VPS13D: variants seen among roughly 807,000 people sequenced by gnomAD.
The protein encoded by VPS13D is intermembrane lipid transfer protein VPS13D.
VPS13D carries 187 observed loss-of-function variants against 461.9 expected under a neutral mutation model. The observed-to-expected ratio is 0.40, with a 90% CI of 0.36 to 0.46. VPS13D has a LOEUF of 0.46. Ranked by LOEUF, VPS13D falls within the 20% of genes least tolerant of loss-of-function variation. VPS13D has a pLI of 0.60. For synonymous variants in VPS13D, 1,951 were observed against 1,986.3 expected (o/e 0.98, Z 0.47); for missense variants, 4,711 against 5,364.9 (o/e 0.88, Z 3.81).
chr1:12,247,817 G>T (rs1276865529), intron 5 of VPS13D, among the ~76,000 whole-genome samples: 1 of 150,492 alleles, frequency 6.6e-6, no homozygotes, highest in Non-Finnish European at 1.5e-5. Context: ...GATTCTCCTG[G>T]CTCAGCCTCA....
At chr1:12,425,539 A>G (rs1644913882) in intron 65 of VPS13D, among the ~76,000 whole-genome samples, 1 of 151,782 alleles carries the variant, frequency 6.6e-6, no homozygotes, top group African/African-American at 2.4e-5. Context: ...AGCCTGGGTG[A>G]CAGAACAATG....
At chr1:12,390,093 G>A (rs1644404515) in intron 60 of VPS13D, among the ~76,000 whole-genome samples, 1 of 152,204 alleles carries the variant, frequency 6.6e-6, no homozygotes, top group Admixed American at 6.5e-5. Context: ...CCTGGTGGCA[G>A]TGTTCCTCCC....
At chr1:12,282,089 T>C (rs1344074115) in intron 20 of VPS13D, among the ~76,000 whole-genome samples, 3 of 152,130 alleles carry the variant, frequency 2.0e-5, no homozygotes, top group South Asian at 2.1e-4. Context: ...AGTTTCACCA[T>C]GTAGCCCAAG....
At chr1:12,265,916 C>G (rs530901454) in intron 13 of VPS13D, among the ~76,000 whole-genome samples, 13 of 152,226 alleles carry the variant, frequency 8.5e-5, no homozygotes, top group African/African-American at 2.6e-4. Flanking sequence ...CCCAGCACTT[C>G]GGGAGGCCAA....
intron 48 of VPS13D, 92 bp from the exon 49 acceptor site, chr1:12,356,304 CTT>C (rs1643885340): frequency 4.1e-6 from 6 of 1,475,468 alleles, no homozygotes; most frequent in African/African-American, 1.4e-5. Context: ...AGTTTTCACT[CTT>C]TTCCCGCTTG....
intron 49 of VPS13D, among the ~76,000 whole-genome samples, chr1:12,357,088 CATTA>C (rs1487433266): frequency 6.6e-6 from 1 of 152,210 alleles, no homozygotes; most frequent in Non-Finnish European, 1.5e-5. Context: ...ATGGTAGGAG[CATTA>C]ATTCACTTTT....
At chr1:12,334,489 G>A (rs1203263910) in intron 38 of VPS13D, among the ~76,000 whole-genome samples, 1 of 152,198 alleles carries the variant, frequency 6.6e-6, no homozygotes, top group Non-Finnish European at 1.5e-5. Flanking sequence ...TCTTCTGGCC[G>A]TGCACATTGG....
At chr1:12,249,919 G>A (rs763171168) in intron 6 of VPS13D, among the ~76,000 whole-genome samples, 8 of 152,184 alleles carry the variant, frequency 5.3e-5, no homozygotes, top group Admixed American at 2.6e-4. Context: ...TGCAGACCCC[G>A]CTGGGTAAGG....
intron 2 of VPS13D, among the ~76,000 whole-genome samples, chr1:12,237,317 C>T (rs1334151605): frequency 6.9e-6 from 1 of 143,970 alleles, no homozygotes; most frequent in Non-Finnish European, 1.5e-5. Flanking sequence ...TGGTGAGATC[C>T]CTTTTCTACA....
intron 55 of VPS13D, among the ~76,000 whole-genome samples, chr1:12,374,317 T>C (rs1224822346): frequency 6.6e-6 from 1 of 152,224 alleles, no homozygotes; most frequent in Non-Finnish European, 1.5e-5. Context: ...CATGAAGAAA[T>C]GGACCTCTCC....
chr1:12,381,103 G>A (rs1428597688), intron 57 of VPS13D, among the ~76,000 whole-genome samples: 1 of 152,146 alleles, frequency 6.6e-6, no homozygotes, highest in East Asian at 1.9e-4. Flanking sequence ...GCTTGTTAGT[G>A]ACAGTATAAT....
intron 46 of VPS13D, among the ~76,000 whole-genome samples, chr1:12,351,913 T>C (rs1466430600): frequency 6.6e-6 from 1 of 151,886 alleles, no homozygotes; most frequent in African/African-American, 2.4e-5. Flanking sequence ...TATTATGAAA[T>C]GCAATCCAGC....
rs1346589503 is a variant in VPS13D, at chr1:12,462,208, A to C, written c.12662+1812A>C. 2.0e-5 allele frequency among the ~76,000 whole-genome samples: 3 copies of C among 152,236 alleles called. No individual in the cohort carries two copies. In the East Asian group the frequency reaches 5.8e-4, roughly 29 times the overall value. ...AATTGTGACAAATGACATCGAGGACACTTAGAGGGTGCCGTGAGACTATGA... is the reference window on the plus strand; with the variant it reads ...AATTGTGACAAATGACATCGAGGACCCTTAGAGGGTGCCGTGAGACTATGA... On this transcript the variant is annotated intron_variant, in intron 67 of 69. Coordinates refer to ENST00000620676, the MANE Select transcript of VPS13D (RefSeq NM_015378.4).
intron 65 of VPS13D, among the ~76,000 whole-genome samples, chr1:12,451,154 G>A (rs1645257912): frequency 1.3e-5 from 2 of 152,168 alleles, no homozygotes. Context: ...CCCCATTCCA[G>A]TGTCTACTTG....
At chr1:12,400,997 CACACACAA>C (rs1644571669) in intron 61 of VPS13D, among the ~76,000 whole-genome samples, 3 of 151,358 alleles carry the variant, frequency 2.0e-5, no homozygotes, top group African/African-American at 7.3e-5. Context: ...CACACACACA[CACACACAA>C]TAACCCTGAA....
Position 12,414,413 on chromosome 1 carries a change from A to G in VPS13D, c.12031-674A>G, listed in dbSNP as rs185422776. On this transcript the variant is annotated intron_variant, in intron 63 of 69. Coordinates refer to ENST00000620676, the MANE Select transcript of VPS13D (RefSeq NM_015378.4). ...TTAAATACATTGTTTTATTCTTGCA[A>G]TGGAGTATTTATATGGCAATGGACG... Among the ~76,000 whole-genome samples, 31 of 152,288 alleles carry G rather than the reference A, an allele frequency of 2.0e-4. No homozygotes were observed. The East Asian group carries it at 3.3e-3, about 16-fold the overall frequency.
Position 12,268,635 on chromosome 1 carries a change from C to T in VPS13D, c.1802-71C>T, listed in dbSNP as rs1360068279. 6 of 1,469,320 alleles carry T rather than the reference C, an allele frequency of 4.1e-6. No individual in the cohort carries two copies. The Admixed American group carries it at 1.2e-4, about 28-fold the overall frequency. 91.0% of individuals were successfully genotyped at this position (1,469,320 alleles called of 1,614,324 possible). ...AGAAAATGTCTGTTTTTCCAGAATC[C>T]CTCACAGGTCTGTTAATAAGGCTAT... On this transcript the variant is annotated intron_variant, in intron 15 of 69. Transcript: ENST00000620676.
At chr1:12,314,078 G>GT in intron 29 of VPS13D, 37 bp from the exon 30 acceptor site, 1 of 1,588,170 alleles carries the variant, frequency 6.3e-7, no homozygotes, top group Non-Finnish European at 8.6e-7. Context: ...GAAGAGTTGT[G>GT]TTTCACATCT....
At chr1:12,323,803 AC>A in intron 35 of VPS13D, 23 bp downstream of exon 35, 1 of 1,611,254 alleles carries the variant, frequency 6.2e-7, no homozygotes, top group Non-Finnish European at 8.5e-7. Context: ...GGGTTCTGTT[AC>A]CCGTTGTTTA....
Sources: gnomAD v4.1 joint callset for allele counts (sites outside exome capture counted in the v4.1 genomes callset) on GRCh38, gnomAD v4.1.1 for gene constraint, MANE v1.5 for transcripts, NCBI Gene and HGNC (gene_info 2026-07-23, HGNC 2026-07-21) for gene names.